The following CCT4 variants were observed in gnomAD, a reference collection of about 807,000 sequenced individuals.
CCT4 encodes the protein chaperonin containing TCP1 subunit 4, also known as T-complex protein 1 subunit delta.
CCT4 carries 17 observed loss-of-function variants against 62.5 expected under a neutral mutation model. The ratio of observed to expected loss-of-function variants is 0.27; its 90% CI spans 0.19 to 0.41. CCT4 has a LOEUF of 0.41. Ranked by LOEUF, CCT4 falls within the 10% of genes least tolerant of loss-of-function variation. The pLI is 1.00. For synonymous variants in CCT4, 250 were observed against 229.9 expected (o/e 1.09, Z -0.79); for missense variants, 592 against 659.2 (o/e 0.90, Z 1.12).
At chr2:61,868,897 G>A in intron 13 of CCT4, 191 bp from the exon 14 acceptor site, 1 of 527,182 alleles carries the variant, frequency 1.9e-6, no homozygotes, top group Non-Finnish European at 3.4e-6. Flanking sequence ...AGCACTTTGG[G>A]AGGCTGAGGC....
Position 61,883,534 on chromosome 2 carries a change from T to C in CCT4, c.195A>G (p.Lys65=), listed in dbSNP as rs760718212. Residue 65 remains lysine (K), a synonymous_variant, in exon 3 of 14, where the codon AAA becomes AAG. Coordinates refer to ENST00000394440, the MANE Select transcript of CCT4 (RefSeq NM_006430.4). ...CATCATTTGTAATGGTTACATCACC[T>C]TTTCCATCTTGAATCTAGAAAAAAA... ...KGMDKMIQDG[K]GDVTITNDGA... 1.3e-6 allele frequency: 2 copies of C among 1,576,456 alleles called. No homozygotes were observed. Among genetic ancestry groups the C allele is most frequent in the South Asian group, 2.3e-5 (2 of 86,496 alleles).
Position 61,873,240 on chromosome 2 carries a change from A to G in CCT4, c.971T>C (p.Val324Ala), listed in dbSNP as rs1668922760. 6.5e-7 allele frequency: 1 copy of G among 1,541,426 alleles called. No homozygotes were observed. The highest frequency in any genetic ancestry group is 1.4e-5 in the African/African-American group (1 of 73,222). The part of the protein sequence containing the change: ...LHFLNKMKIM[V>A]IKDIEREDIE... Reference sequence around the variant, plus strand: ...GTCTTCTCTTTCAATATCCTTAATCACCATGATCTTCATTTTATTCAGAAA... The same window carrying G: ...GTCTTCTCTTTCAATATCCTTAATCGCCATGATCTTCATTTTATTCAGAAA... The change falls in exon 9 of 14, where the codon GTG becomes GCG. Residue 324 changes from valine to alanine, a missense_variant. Val to Ala is a moderately conservative substitution (Grantham distance 64). This residue lies in a region of CCT4 where 522 missense variants were observed against 571.2 expected (regional missense o/e 0.91). Coordinates refer to ENST00000394440, the MANE Select transcript of CCT4 (RefSeq NM_006430.4).
At chr2:61,870,012 T>C (rs1386241944) in intron 12 of CCT4, among the ~76,000 whole-genome samples, 1 of 147,426 alleles carries the variant, frequency 6.8e-6, no homozygotes. Flanking sequence ...GTGCGGTGGC[T>C]CACGCCTGTA....
At chr2:61,882,625 C>A (rs567114543) in intron 3 of CCT4, among the ~76,000 whole-genome samples, 2 of 152,144 alleles carry the variant, frequency 1.3e-5, no homozygotes, top group South Asian at 2.1e-4. Context: ...TCTCCCACCT[C>A]AGCCTCCTGA....
At position 61,877,188 on chromosome 2, in the gene CCT4, ATC is replaced by A. The variant is rs1281546162; in HGVS notation, c.645-138_645-137del. ...ACATTTATTATTGCCCCACTCCTGG[ATC>A]TCTTTGATCCACTGCTGCCTTACTA... is the stretch of plus-strand genomic sequence containing the variant. On this transcript the variant is annotated intron_variant, in intron 6 of 13. Coordinates refer to ENST00000394440, the MANE Select transcript of CCT4 (RefSeq NM_006430.4). 8.8e-6 allele frequency: 8 copies of A among 907,664 alleles called. No individual in the cohort carries two copies. In the Admixed American group the frequency reaches 1.4e-4, roughly 15 times the overall value. 56.2% of individuals were successfully genotyped at this position (907,664 alleles called of 1,614,324 possible).
intron 2 of CCT4, among the ~76,000 whole-genome samples, chr2:61,884,146 A>T (rs1368217821): frequency 6.6e-6 from 1 of 152,216 alleles, no homozygotes; most frequent in Non-Finnish European, 1.5e-5. Flanking sequence ...CAACACCTGG[A>T]TTTATAATAG....
chr2:61,880,337 C>T lies in CCT4; in HGVS notation c.328G>A (p.Val110Ile). The part of the protein sequence containing the change: ...IEAGDGTTSV[V>I]IIAGSLLDSC... Reference sequence around the variant, plus strand: ...TCTAAGAGGGAGCCAGCAATGATGACTACTGATGTGGTGCCATCTCCTGCT... The same window carrying T: ...TCTAAGAGGGAGCCAGCAATGATGATTACTGATGTGGTGCCATCTCCTGCT... Residue 110 changes from valine to isoleucine, a missense_variant, in exon 4 of 14, where the codon GTC (valine) becomes ATC (isoleucine). Val to Ile is a conservative substitution (Grantham distance 29, BLOSUM62 3). Coordinates refer to ENST00000394440, the MANE Select transcript of CCT4 (RefSeq NM_006430.4). The T allele has an allele frequency of 6.2e-7, 1 of 1,608,788 alleles. No homozygotes were observed. The highest frequency in any genetic ancestry group is 1.7e-5 in the Admixed American group (1 of 58,394).
At position 61,877,491 on chromosome 2, in the gene CCT4, C is replaced by G. The variant is rs752098897; in HGVS notation, c.546G>C (p.Leu182=). Residue 182 remains leucine (L), a synonymous_variant, in exon 6 of 14, where the codon CTG becomes CTC. Coordinates refer to ENST00000394440, the MANE Select transcript of CCT4 (RefSeq NM_006430.4). ...NSKVVSQYSS[L]LSPMSVNAVM... ...CTGCATTTACACTCATTGGAGAAAG[C>G]AGACTTGAATACTGAGAAACCACCT... is the stretch of plus-strand genomic sequence containing the variant. The G allele has an allele frequency of 1.9e-6, 3 of 1,600,346 alleles. No homozygotes were observed. The South Asian group carries it at 3.4e-5, about 18-fold the overall frequency.
chr2:61,888,303 G>A (rs925571949), intron 1 of CCT4, 78 bp downstream of exon 1: 1 of 1,528,990 alleles, frequency 6.5e-7, no homozygotes, highest in Admixed American at 2.0e-5. Context: ...TGGGAAATGA[G>A]CCAAACCCGC....
At chr2:61,885,409 GTAT>G (rs201726440) in intron 1 of CCT4, among the ~76,000 whole-genome samples, 2,284 of 152,044 alleles carry the variant, frequency 0.015, 63 homozygotes, top group African/African-American at 0.053. Context: ...AACGTACACA[GTAT>G]TATTATTATT....
rs775202702 is a variant in CCT4, at chr2:61,876,203, G to T, written c.809C>A (p.Ala270Asp). The T allele has an allele frequency of 6.2e-7, 1 of 1,608,106 alleles. No homozygotes were observed. Among genetic ancestry groups the T allele is most frequent in the Non-Finnish European group, 8.5e-7 (1 of 1,176,376 alleles). The change falls in exon 8 of 14, where the codon GCC becomes GAC. Residue 270 changes from alanine to aspartate, a missense_variant. Physicochemically the swap from Ala to Asp is moderately radical, Grantham distance 126. Around this residue, in one of 3 missense-constraint regions of CCT4, gnomAD observed 522 missense variants for 571.2 expected, o/e 0.91. Transcript: ENST00000394440. Reference protein sequence around the residue: ...MDNQIVVSDYAQMDRVLREER... With the variant: ...MDNQIVVSDYDQMDRVLREER... ...TTCTCGCAGCACTCGGTCCATCTGGGCATAGTCAGAAACCACTATTTGATT... is the reference window on the plus strand; with the variant it reads ...TTCTCGCAGCACTCGGTCCATCTGGTCATAGTCAGAAACCACTATTTGATT...
chr2:61,872,434 TTAA>T (rs1553361138), intron 11 of CCT4, 21 bp downstream of exon 11: 4 of 1,563,554 alleles, frequency 2.6e-6, no homozygotes, highest in Middle Eastern at 1.7e-4. Flanking sequence ...AAAATGTTAC[TTAA>T]TAATGTAACA....
At chr2:61,874,939 G>A (rs934474897) in intron 8 of CCT4, among the ~76,000 whole-genome samples, 1 of 151,990 alleles carries the variant, frequency 6.6e-6, no homozygotes, top group South Asian at 2.1e-4. Context: ...GAGGTTGGGA[G>A]TTCAGGACCA....
intron 8 of CCT4, among the ~76,000 whole-genome samples, chr2:61,873,569 T>C (rs1668931276): frequency 6.6e-6 from 1 of 152,010 alleles, no homozygotes; most frequent in Non-Finnish European, 1.5e-5. Flanking sequence ...TATTTATTTA[T>C]TTTTATTTTT....
chr2:61,883,773 G>GACACACACACACACAC (rs59031193), intron 2 of CCT4, among the ~76,000 whole-genome samples: 2 of 143,838 alleles, frequency 1.4e-5, no homozygotes, highest in African/African-American at 2.6e-5. Flanking sequence ...AAGAAATGTA[G>GACACACACACACACAC]ACACACACAC....
At chr2:61,885,602 TG>T (rs1269883853) in intron 1 of CCT4, 1 of 152,138 alleles carries the variant, frequency 6.6e-6, no homozygotes, top group Non-Finnish European at 1.5e-5. Flanking sequence ...TTAGTAGAGA[TG>T]GGGTTTCACC....
chr2:61,876,455 T>C (rs922148998), intron 7 of CCT4, among the ~76,000 whole-genome samples: 1 of 152,204 alleles, frequency 6.6e-6, no homozygotes, highest in Admixed American at 6.5e-5. Flanking sequence ...ATTTTGCAAG[T>C]AAATTTTTTA....
chr2:61,876,288 A>G (rs1247024838), intron 7 of CCT4, 54 bp from the exon 8 acceptor site: 1 of 1,438,152 alleles, frequency 7.0e-7, no homozygotes, highest in Non-Finnish European at 9.5e-7. Context: ...TAAGTTTAAA[A>G]GTAGAATTTT....
intron 8 of CCT4, among the ~76,000 whole-genome samples, chr2:61,875,375 G>A (rs1668976029): frequency 6.6e-6 from 1 of 151,618 alleles, no homozygotes; most frequent in Non-Finnish European, 1.5e-5. Flanking sequence ...TCAGGAGATC[G>A]AGACCATCCT....
Sources: gnomAD v4.1 joint callset for allele counts (sites outside exome capture counted in the v4.1 genomes callset) on GRCh38, gnomAD v4.1.1 for gene constraint, gnomAD v4.1.1 regional missense constraint, MANE v1.5 for transcripts, NCBI Gene and HGNC (gene_info 2026-07-23, HGNC 2026-07-21) for gene names.